Variants in NINJ2 observed in about 807,000 individuals in gnomAD.
NINJ2 encodes ninjurin 2, also known as ninjurin-2.
Under a neutral mutation model 11.7 loss-of-function variants are expected in NINJ2, and 12 were observed. That is an observed-to-expected ratio of 1.02 (90% confidence interval 0.66 to 1.66). The LOEUF (loss-of-function observed/expected upper bound fraction) is 1.66. Ranked by LOEUF, NINJ2 falls within the 40% of genes most tolerant of loss-of-function variation. NINJ2 has a pLI of 0.00. For missense variants in NINJ2, 187 were observed against 181.8 expected (o/e 1.03, Z -0.16); for synonymous variants, 93 against 76.8 (o/e 1.21, Z -1.10).
At chr12:636,104 T>C (rs1948349056) in intron 1 of NINJ2, among the ~76,000 whole-genome samples, 1 of 150,244 alleles carries the variant, frequency 6.7e-6, no homozygotes, top group South Asian at 2.1e-4. Context: ...AGGCCAGGCG[T>C]GGTGGCTTAC....
rs200833054 is a variant in NINJ2, at chr12:580,598, AATATATAT to A, written c.34-14428_34-14421del. 1.7e-5 allele frequency among the ~76,000 whole-genome samples: 1 copy of A among 60,422 alleles called. No individual in the cohort carries two copies. The highest frequency in any genetic ancestry group is 4.6e-5 in the Non-Finnish European group (1 of 21,976). The allele number at this position is 60,422 out of a possible 152,430, so 39.6% of individuals were successfully genotyped here. On this transcript the variant is annotated intron_variant, in intron 1 of 3. Transcript: ENST00000305108. The surrounding 1 kb of genome is among the most constrained non-coding windows in gnomAD (Gnocchi z 4.7). The stretch of plus-strand genomic sequence containing the variant: ...AGAGACCCTGTCTCAAAAAAAAAAA[AATATATAT>A]ATATATATATCCATTTGTCATTCAC...
rs891670990 is a variant in NINJ2 at position 633,273 on chromosome 12, G to A, written c.33+30055C>T. 3.3e-5 allele frequency among the ~76,000 whole-genome samples: 5 copies of A among 152,020 alleles called. No homozygotes were observed. The highest frequency in any genetic ancestry group is 1.2e-4 in the African/African-American group (5 of 41,386). On this transcript the variant is annotated intron_variant, in intron 1 of 3. Transcript: ENST00000305108. This position sits in a 1 kb window ranked among gnomAD's most constrained non-coding sequence, Gnocchi z 4.3. ...AGCTCTTTGGGAGGCCGAGGTGGAT[G>A]GATCACCTGAAGTCAGCAGTTCAAG...
intron 1 of NINJ2, among the ~76,000 whole-genome samples, chr12:604,761 G>A (rs1328173549): frequency 6.6e-6 from 1 of 152,208 alleles, no homozygotes; most frequent in Non-Finnish European, 1.5e-5. Context: ...TAGGGACGAG[G>A]TACAGACCTG....
At chr12:594,174 T>C (rs1330214061) in intron 1 of NINJ2, among the ~76,000 whole-genome samples, 1 of 152,142 alleles carries the variant, frequency 6.6e-6, no homozygotes, top group Non-Finnish European at 1.5e-5. Context: ...AGATTGTCTA[T>C]GTAGAAAATT....
In NINJ2 at chr12:640,149, C is replaced by T. The variant is rs901440398; in HGVS notation, c.33+23179G>A. Among the ~76,000 whole-genome samples, 2 of 152,198 alleles carry T rather than the reference C, an allele frequency of 1.3e-5. No individual in the cohort carries two copies. The highest frequency in any genetic ancestry group is 4.8e-5 in the African/African-American group (2 of 41,454). On this transcript the variant is annotated intron_variant, in intron 1 of 3. Transcript: ENST00000305108. This position sits in a 1 kb window ranked among gnomAD's most constrained non-coding sequence, Gnocchi z 4.0. ...TAGCAGCCAAATACACTGGAACTGG[C>T]AGTAATGATCTCACAAAAGCAGGAA...
chr12:609,770 C>CAAAAAAAAAAAAAAAAA (rs1185755822), intron 1 of NINJ2, among the ~76,000 whole-genome samples: 77 of 88,748 alleles, frequency 8.7e-4, no homozygotes, highest in Admixed American at 1.1e-3. Context: ...GACTCTGCCT[C>CAAAAAAAAAAAAAAAAA]AAAAAAAAAA....
intron 1 of NINJ2, among the ~76,000 whole-genome samples, chr12:574,917 A>G (rs968772701): frequency 1.3e-5 from 2 of 152,242 alleles, no homozygotes; most frequent in East Asian, 1.9e-4. Flanking sequence ...AGAAAGATCA[A>G]TAGGATCATG....
chr12:609,248 T>C (rs1387408002), intron 1 of NINJ2, among the ~76,000 whole-genome samples: 2 of 110,280 alleles, frequency 1.8e-5, no homozygotes, highest in African/African-American at 6.2e-5. Context: ...GGCGCCACGC[T>C]AGGGGCTGTA....
intron 1 of NINJ2, chr12:630,971 A>G (rs1462630334): frequency 1.3e-5 from 2 of 152,228 alleles, no homozygotes; most frequent in Non-Finnish European, 2.9e-5. Context: ...AACTTTTCAA[A>G]ATGCCTTAGA....
intron 1 of NINJ2, among the ~76,000 whole-genome samples, chr12:569,238 G>A (rs1947344708): frequency 1.3e-5 from 2 of 152,184 alleles, no homozygotes; most frequent in Admixed American, 1.3e-4. Flanking sequence ...GGCATGGTTG[G>A]TTAGGGCCAG....
chr12:644,271 A>G (rs1461421194), intron 1 of NINJ2: 2 of 152,460 alleles, frequency 1.3e-5, no homozygotes, highest in Non-Finnish European at 2.9e-5. Context: ...GGATCTTGGT[A>G]AAATGCAGTT....
intron 1 of NINJ2, among the ~76,000 whole-genome samples, chr12:601,283 A>C (rs573198090): frequency 1.8e-4 from 28 of 152,366 alleles, no homozygotes; most frequent in Non-Finnish European, 4.0e-4. Flanking sequence ...GCAGTGGCTC[A>C]CGCCTGTAAT....
intron 1 of NINJ2, among the ~76,000 whole-genome samples, chr12:623,622 G>A (rs1259692646): frequency 2.0e-5 from 3 of 152,254 alleles, no homozygotes; most frequent in Non-Finnish European, 4.4e-5. Context: ...AGAGGCGACA[G>A]GCTAGGAAGG....
chr12:565,513 G>T, intron 2 of NINJ2, 112 bp from the exon 3 acceptor site: 1 of 1,151,280 alleles, frequency 8.7e-7, no homozygotes, highest in Non-Finnish European at 1.2e-6. Context: ...AACCCATGTG[G>T]CAGAAATCAA....
At chr12:578,174 T>A (rs1293565298) in intron 1 of NINJ2, among the ~76,000 whole-genome samples, 8 of 152,126 alleles carry the variant, frequency 5.3e-5, no homozygotes, top group Non-Finnish European at 7.3e-5. Flanking sequence ...GATTACTCAA[T>A]CAATCATGAC....
intron 1 of NINJ2, among the ~76,000 whole-genome samples, chr12:655,970 C>T (rs1032575476): frequency 6.6e-6 from 1 of 151,800 alleles, no homozygotes; most frequent in African/African-American, 2.4e-5. Flanking sequence ...GATAGATATT[C>T]CATGTTTATG....
chr12:580,511 C>A lies in NINJ2; in HGVS notation c.34-14333G>T, dbSNP rs1947531931. On this transcript the variant is annotated intron_variant, in intron 1 of 3. Transcript: ENST00000305108. This position sits in a 1 kb window ranked among gnomAD's most constrained non-coding sequence, Gnocchi z 4.7. ...GCTGAGGCAGGAGAATCACTTGAACCTGGAGGCAAAGGTTGCAGGGAGACA... is the reference window on the plus strand; with the variant it reads ...GCTGAGGCAGGAGAATCACTTGAACATGGAGGCAAAGGTTGCAGGGAGACA... Among the ~76,000 whole-genome samples the A allele has an allele frequency of 6.6e-6, 1 of 151,822 alleles. No individual in the cohort carries two copies. Among genetic ancestry groups the A allele is most frequent in the African/African-American group, 2.4e-5 (1 of 41,302 alleles).
intron 1 of NINJ2, among the ~76,000 whole-genome samples, chr12:623,522 G>A (rs568533256): frequency 9.8e-5 from 15 of 152,288 alleles, no homozygotes; most frequent in African/African-American, 3.6e-4. Flanking sequence ...TCCAAACTCC[G>A]AATCTAAAAG....
chr12:634,265 C>CTTTTTTTTTTTTT (rs67797144), intron 1 of NINJ2, among the ~76,000 whole-genome samples: 14 of 59,522 alleles, frequency 2.4e-4, no homozygotes, highest in African/African-American at 3.3e-4. Context: ...AGTTGCAGTT[C>CTTTTTTTTTTTTT]TTTTTTTTTT....
Sources: gnomAD v4.1 joint callset for allele counts (sites outside exome capture counted in the v4.1 genomes callset) on GRCh38, gnomAD v4.1.1 for gene constraint, Gnocchi (gnomAD v3.1) non-coding constraint, MANE v1.5 for transcripts, NCBI Gene and HGNC (gene_info 2026-07-23, HGNC 2026-07-21) for gene names.